RALYL: variants seen among roughly 807,000 people sequenced by gnomAD.
RALYL encodes RNA-binding Raly-like protein.
Under a neutral mutation model 35.1 loss-of-function variants are expected in RALYL, and 29 were observed. The ratio of observed to expected loss-of-function variants is 0.83; its 90% confidence interval spans 0.61 to 1.13. The LOEUF (loss-of-function observed/expected upper bound fraction) is 1.13, where lower values mean the gene tolerates loss of function less well. Among genes scored for constraint, RALYL ranks in the 50% most tolerant of loss-of-function variants. RALYL has a pLI of 0.00. For synonymous variants in RALYL, 120 were observed against 127.6 expected (o/e 0.94, Z 0.40); for missense variants, 359 against 360.4 (o/e 1.00, Z 0.03).
chr8:84,659,998 T>C (rs1830610946), intron 2 of RALYL, among the ~76,000 whole-genome samples: 1 of 152,128 alleles, frequency 6.6e-6, no homozygotes, highest in Non-Finnish European at 1.5e-5. Context: ...TTTACAATGA[T>C]TACCAATAGG....
chr8:84,417,259 T>A (rs1324823229), intron 1 of RALYL, among the ~76,000 whole-genome samples: 7 of 152,148 alleles, frequency 4.6e-5, no homozygotes, highest in Non-Finnish European at 8.8e-5. Flanking sequence ...TTCTTAACGT[T>A]TAAAAATATA....
At chr8:84,441,266 G>A (rs2048301415) in intron 1 of RALYL, among the ~76,000 whole-genome samples, 1 of 152,034 alleles carries the variant, frequency 6.6e-6, no homozygotes, top group Admixed American at 6.6e-5. Context: ...CTGTGCTAAT[G>A]TGAGATCTCT....
chr8:84,236,335 A>G (rs1157242483), intron 1 of RALYL, among the ~76,000 whole-genome samples: 1 of 152,196 alleles, frequency 6.6e-6, no homozygotes, highest in East Asian at 1.9e-4. Context: ...AAGCACAGGC[A>G]GTGAATTGTG....
chr8:84,799,931 G>A (rs1016273690), intron 3 of RALYL, among the ~76,000 whole-genome samples: 3 of 152,178 alleles, frequency 2.0e-5, no homozygotes, highest in Non-Finnish European at 4.4e-5. Context: ...ACTCCAGCCT[G>A]CCTGGGCAAC....
At chr8:84,893,088 A>G (rs1400641960) in intron 8 of RALYL, among the ~76,000 whole-genome samples, 1 of 152,218 alleles carries the variant, frequency 6.6e-6, no homozygotes, top group African/African-American at 2.4e-5. Context: ...TACAAAAAAC[A>G]TAGTTTATAG....
Position 84,486,383 on chromosome 8 carries a change from G to A in RALYL, c.-23-42916G>A, listed in dbSNP as rs184292043. 1.2e-3 allele frequency among the ~76,000 whole-genome samples: 176 copies of A among 150,924 alleles called. 1 individual carries two copies. The East Asian group carries it at 0.03, about 25-fold the overall frequency. On this transcript the variant is annotated intron_variant, in intron 1 of 8. Coordinates refer to ENST00000521268, the MANE Select transcript of RALYL (RefSeq NM_173848.7). ...TATATTTATACTTTTTTGAAAAAAA[G>A]GAAGCTTGTATCTGCATTTATTTGG...
chr8:84,489,980 A>G (rs1220271434), intron 1 of RALYL, among the ~76,000 whole-genome samples: 1 of 152,006 alleles, frequency 6.6e-6, no homozygotes. Context: ...TTTTCTAAAG[A>G]TAAAGAATGA....
intron 7 of RALYL, among the ~76,000 whole-genome samples, chr8:84,881,016 A>G (rs1269243244): frequency 3.3e-5 from 5 of 152,014 alleles, no homozygotes; most frequent in African/African-American, 1.2e-4. Context: ...CCATTATTAG[A>G]TTTAAATAAA....
intron 1 of RALYL, among the ~76,000 whole-genome samples, chr8:84,488,836 T>C (rs1421248398): frequency 6.6e-6 from 1 of 152,064 alleles, no homozygotes; most frequent in Non-Finnish European, 1.5e-5. Flanking sequence ...ATAAGATATA[T>C]TTTAAGTGGT....
At chr8:84,749,526 A>G (rs966662060) in intron 2 of RALYL, among the ~76,000 whole-genome samples, 2 of 152,174 alleles carry the variant, frequency 1.3e-5, no homozygotes, top group African/African-American at 4.8e-5. Flanking sequence ...GTAAACCTAA[A>G]CATCATAGAC....
intron 4 of RALYL, among the ~76,000 whole-genome samples, chr8:84,849,357 C>T (rs1040032840): frequency 6.6e-6 from 1 of 152,074 alleles, no homozygotes; most frequent in Non-Finnish European, 1.5e-5. Flanking sequence ...TTTCTATTCA[C>T]CATTTCTATA....
intron 7 of RALYL, 68 bp from the exon 8 acceptor site, chr8:84,887,536 T>G (rs762033229): frequency 1.7e-5 from 24 of 1,429,224 alleles, no homozygotes; most frequent in Admixed American, 1.4e-4. Flanking sequence ...GGACTGTTTT[T>G]TCATGGTTTA....
chr8:84,252,913 G>A (rs982266277), intron 1 of RALYL, among the ~76,000 whole-genome samples: 4 of 152,040 alleles, frequency 2.6e-5, no homozygotes, highest in African/African-American at 9.7e-5. Context: ...AATATCCTAT[G>A]TTTCATTTGC....
rs1173615418 is a variant in RALYL, at chr8:84,378,949, T to C, written c.-23-150350T>C. Among the ~76,000 whole-genome samples the C allele has an allele frequency of 4.6e-5, 7 of 152,056 alleles. No homozygotes were observed. In the East Asian group the frequency reaches 1.2e-3, roughly 25 times the overall value. On this transcript the variant is annotated intron_variant, in intron 1 of 8. Coordinates refer to ENST00000521268, the MANE Select transcript of RALYL (RefSeq NM_173848.7). ...ATATTTTCTCCTTTACAGTGAACCA[T>C]ACTTGGCTTTCAAGTTCCATTTTGC... is the stretch of plus-strand genomic sequence containing the variant.
intron 2 of RALYL, among the ~76,000 whole-genome samples, chr8:84,662,712 T>A (rs1157648846): frequency 3.3e-5 from 5 of 152,170 alleles, no homozygotes; most frequent in Non-Finnish European, 7.3e-5. Context: ...GATCAAATTA[T>A]GGAAATGTAT....
intron 3 of RALYL, among the ~76,000 whole-genome samples, chr8:84,783,847 T>G (rs1818757528): frequency 1.3e-5 from 2 of 152,160 alleles, no homozygotes; most frequent in South Asian, 4.1e-4. Context: ...AAGCCACCTG[T>G]TTTTAATTTG....
intron 1 of RALYL, among the ~76,000 whole-genome samples, chr8:84,437,387 T>C (rs1362810628): frequency 6.6e-6 from 1 of 152,170 alleles, no homozygotes; most frequent in Non-Finnish European, 1.5e-5. Context: ...AGTAAAGGGA[T>C]TGCTAGGTTG....
intron 2 of RALYL, among the ~76,000 whole-genome samples, chr8:84,732,822 G>A (rs1473920744): frequency 2.0e-5 from 3 of 151,268 alleles, no homozygotes; most frequent in Non-Finnish European, 4.4e-5. Flanking sequence ...TCAGCCTCCC[G>A]AGTAGCTGGG....
chr8:84,519,984 C>T (rs780153237), intron 1 of RALYL, among the ~76,000 whole-genome samples: 2 of 152,202 alleles, frequency 1.3e-5, no homozygotes, highest in African/African-American at 2.4e-5. Context: ...GGTGCACAAA[C>T]CCTGATAGTG....
Sources: gnomAD v4.1 joint callset for allele counts (sites outside exome capture counted in the v4.1 genomes callset) on GRCh38, gnomAD v4.1.1 for gene constraint, MANE v1.5 for transcripts, NCBI Gene and HGNC (gene_info 2026-07-23, HGNC 2026-07-21) for gene names.